ADK: variants seen among roughly 807,000 people sequenced by gnomAD.
ADK encodes the protein adenosine kinase, also known as N6,N6-dimethyladenosine kinase.
ADK carries 24 observed loss-of-function variants against 44.7 expected under a neutral mutation model. That is an observed-to-expected ratio of 0.54 (90% CI 0.39 to 0.76). ADK has a LOEUF of 0.76. ADK is among the 30% of genes least tolerant of loss of function. The pLI is 0.00. For missense variants in ADK, 321 were observed against 425.1 expected (o/e 0.76, Z 2.15); for synonymous variants, 128 against 142.6 (o/e 0.90, Z 0.73).
At chr10:74,454,827 G>T (rs1476695179) in intron 6 of ADK, among the ~76,000 whole-genome samples, 1 of 152,130 alleles carries the variant, frequency 6.6e-6, no homozygotes, top group Non-Finnish European at 1.5e-5. Context: ...ACTTGGCAAG[G>T]CCTTTTTGTT....
intron 9 of ADK, among the ~76,000 whole-genome samples, chr10:74,610,059 A>G (rs1459376347): frequency 6.6e-6 from 1 of 152,138 alleles, no homozygotes; most frequent in Non-Finnish European, 1.5e-5. Flanking sequence ...GGGCAATTCC[A>G]CAGCAGAGTA....
rs143313790 is a variant in ADK, at chr10:74,381,492, C to T, written c.274-12649C>T. Among the ~76,000 whole-genome samples the T allele has an allele frequency of 3.6e-3, 548 of 152,288 alleles. 6 individuals carry two copies. Among genetic ancestry groups the T allele is most frequent in the African/African-American group, 0.012 (483 of 41,552 alleles). ...TTTTATAGTGGAAGAGAACAGCAGT[C>T]AGCAATGATGATGGAAAACTGTGGC... On this transcript the variant is annotated intron_variant, in intron 4 of 10. Transcript: ENST00000539909.
chr10:74,188,077 C>G (rs1189669106), intron 1 of ADK, among the ~76,000 whole-genome samples: 1 of 152,130 alleles, frequency 6.6e-6, no homozygotes, highest in Non-Finnish European at 1.5e-5. Flanking sequence ...TATAAGCATT[C>G]AGGTTCTTCA....
intron 4 of ADK, among the ~76,000 whole-genome samples, chr10:74,354,854 G>A (rs1465992441): frequency 6.6e-6 from 1 of 152,156 alleles, no homozygotes; most frequent in Admixed American, 6.5e-5. Context: ...TATTAAATTT[G>A]AGTTGCTGAA....
At chr10:74,668,921 G>A (rs1313640126) in intron 9 of ADK, among the ~76,000 whole-genome samples, 1 of 151,268 alleles carries the variant, frequency 6.6e-6, no homozygotes, top group Non-Finnish European at 1.5e-5. Flanking sequence ...GGTGCTGCGT[G>A]TCTGTGGTCC....
chr10:74,623,266 C>T (rs1222361923), intron 9 of ADK, among the ~76,000 whole-genome samples: 1 of 152,154 alleles, frequency 6.6e-6, no homozygotes, highest in Non-Finnish European at 1.5e-5. Flanking sequence ...AAAGAATTAT[C>T]TGGCCCAAAT....
chr10:74,408,598 A>T (rs1159059854), intron 6 of ADK, among the ~76,000 whole-genome samples: 1 of 152,202 alleles, frequency 6.6e-6, no homozygotes, highest in East Asian at 1.9e-4. Context: ...TCCACATACA[A>T]TGTTTACCTC....
chr10:74,326,250 A>G (rs971858788), intron 4 of ADK, among the ~76,000 whole-genome samples: 1 of 152,178 alleles, frequency 6.6e-6, no homozygotes, highest in East Asian at 1.9e-4. Context: ...GTTTAGAAGA[A>G]TTCTTTCCTC....
chr10:74,502,608 T>C (rs1847920839), intron 6 of ADK, among the ~76,000 whole-genome samples: 1 of 152,164 alleles, frequency 6.6e-6, no homozygotes, highest in Admixed American at 6.6e-5. Context: ...TTTCTTTCAA[T>C]AGACGAAAGC....
intron 3 of ADK, among the ~76,000 whole-genome samples, chr10:74,295,804 T>G (rs1839790876): frequency 6.6e-6 from 1 of 152,182 alleles, no homozygotes; most frequent in Non-Finnish European, 1.5e-5. Flanking sequence ...TTTCACTTCT[T>G]AAATCAACTT....
chr10:74,163,290 C>T (rs369277427), intron 1 of ADK, among the ~76,000 whole-genome samples: 10 of 152,258 alleles, frequency 6.6e-5, no homozygotes, highest in East Asian at 1.9e-4. Flanking sequence ...CTTAAGGTCC[C>T]GTGGTTGATG....
chr10:74,456,276 C>T (rs1197855443), intron 6 of ADK, among the ~76,000 whole-genome samples: 1 of 152,032 alleles, frequency 6.6e-6, no homozygotes, highest in African/African-American at 2.4e-5. Flanking sequence ...TAAAATTGAC[C>T]ACATAATTGG....
chr10:74,660,101 G>GT (rs1476578135), intron 9 of ADK, among the ~76,000 whole-genome samples: 1 of 152,132 alleles, frequency 6.6e-6, no homozygotes, highest in Non-Finnish European at 1.5e-5. Flanking sequence ...GAAAAATCCT[G>GT]TAAGTACCTG....
intron 3 of ADK, among the ~76,000 whole-genome samples, chr10:74,229,458 C>T (rs531581870): frequency 3.7e-5 from 5 of 133,968 alleles, no homozygotes; most frequent in African/African-American, 1.5e-4. Context: ...AGTGCAGTGG[C>T]GTGATCTCGG....
intron 3 of ADK, among the ~76,000 whole-genome samples, chr10:74,280,665 G>C (rs893930385): frequency 6.6e-6 from 1 of 152,034 alleles, no homozygotes; most frequent in African/African-American, 2.4e-5. Context: ...GTGTAAATTT[G>C]GTTTTCTCAC....
intron 7 of ADK, among the ~76,000 whole-genome samples, chr10:74,530,950 G>C (rs1849267750): frequency 6.6e-6 from 1 of 152,090 alleles, no homozygotes; most frequent in African/African-American, 2.4e-5. Context: ...ATCTCAAGTA[G>C]ACCCTTGCAG....
chr10:74,525,272 T>C lies in ADK; in HGVS notation c.572T>C (p.Val191Ala), dbSNP rs775017972. 3.7e-6 allele frequency: 6 copies of C among 1,613,724 alleles called. No homozygotes were observed. In the African/African-American group the frequency reaches 8.0e-5, roughly 22 times the overall value. ...TTCATCCAGGGCTTTTTTCTTACAGTTTCCCCAGAGTCAGTATTAAAGGTG... is the reference window on the plus strand; with the variant it reads ...TTCATCCAGGGCTTTTTTCTTACAGCTTCCCCAGAGTCAGTATTAAAGGTG... The part of the protein sequence containing the change: ...VCYIAGFFLT[V>A]SPESVLKVAH... Residue 191 changes from valine (V) to alanine (A), a missense_variant, in exon 7 of 11, where the codon GTT (valine) becomes GCT (alanine). Physicochemically the swap from Val to Ala is moderately conservative, Grantham distance 64. Coordinates refer to ENST00000539909, the MANE Select transcript of ADK (RefSeq NM_006721.4).
chr10:74,532,717 A>G (rs1023576584), intron 7 of ADK, among the ~76,000 whole-genome samples: 3 of 151,874 alleles, frequency 2.0e-5, no homozygotes, highest in Non-Finnish European at 4.4e-5. Flanking sequence ...TGTGGCCAAC[A>G]TGGCAAAACC....
intron 6 of ADK, among the ~76,000 whole-genome samples, chr10:74,432,826 T>C (rs1845048022): frequency 1.3e-5 from 2 of 152,208 alleles, no homozygotes; most frequent in African/African-American, 2.4e-5. Context: ...AAATTCCTTC[T>C]AATTTCTTAG....
Sources: allele counts gnomAD v4.1 joint callset (sites outside exome capture counted in the v4.1 genomes callset), GRCh38; gene constraint gnomAD v4.1.1; transcripts MANE v1.5; gene names NCBI Gene and HGNC (gene_info 2026-07-23, HGNC 2026-07-21).